PDE3B: variants seen among roughly 807,000 people sequenced by gnomAD.
PDE3B encodes the protein cGMP-inhibited 3',5'-cyclic phosphodiesterase 3B.
PDE3B carries 66 observed loss-of-function variants against 116.8 expected under a neutral mutation model. The observed-to-expected ratio is 0.56, with a 90% CI of 0.46 to 0.69. The LOEUF is 0.69. Among genes scored for constraint, PDE3B ranks in the 30% least tolerant of loss-of-function variants. The probability of loss-of-function intolerance (pLI) is 0.00; values close to 1 mark genes in which losing one functional copy is unlikely to be tolerated. For synonymous variants in PDE3B, 595 were observed against 533.6 expected (o/e 1.12, Z -1.59); for missense variants, 1,384 against 1,368.1 (o/e 1.01, Z -0.18).
At chr11:14,756,803 T>TCA (rs1491144899) in intron 1 of PDE3B, among the ~76,000 whole-genome samples, 166 of 141,544 alleles carry the variant, frequency 1.2e-3, no homozygotes, top group Admixed American at 2.3e-3. Context: ...TAAGTGCTTA[T>TCA]TTTTTTTTTT....
intron 1 of PDE3B, among the ~76,000 whole-genome samples, chr11:14,735,978 G>GTGTA (rs1246939263): frequency 6.6e-6 from 1 of 151,864 alleles, no homozygotes; most frequent in East Asian, 1.9e-4. Flanking sequence ...GTGTGTGTGT[G>GTGTA]TGTGTGTGTG....
chr11:14,797,099 A>G (rs1197733022), intron 4 of PDE3B, among the ~76,000 whole-genome samples: 1 of 152,196 alleles, frequency 6.6e-6, no homozygotes, highest in Non-Finnish European at 1.5e-5. Flanking sequence ...CAGTTTTCCC[A>G]ACACCATTTA....
chr11:14,785,794 A>T (rs1858169836), intron 2 of PDE3B, among the ~76,000 whole-genome samples: 2 of 151,968 alleles, frequency 1.3e-5, no homozygotes, highest in East Asian at 3.8e-4. Flanking sequence ...TCTTTAAGTT[A>T]TCGCTATCTC....
At chr11:14,784,343 C>T (rs1288983143) in intron 2 of PDE3B, among the ~76,000 whole-genome samples, 1 of 152,058 alleles carries the variant, frequency 6.6e-6, no homozygotes, top group African/African-American at 2.4e-5. Context: ...ATGATTGCAA[C>T]AAAAATTATA....
At chr11:14,715,960 C>T (rs1420381985) in intron 1 of PDE3B, among the ~76,000 whole-genome samples, 3 of 152,174 alleles carry the variant, frequency 2.0e-5, no homozygotes, top group African/African-American at 2.4e-5. Context: ...CAGCTCCCAG[C>T]GTGAGCGACG....
intron 1 of PDE3B, among the ~76,000 whole-genome samples, chr11:14,678,614 G>A (rs1854601703): frequency 6.6e-6 from 1 of 151,784 alleles, no homozygotes; most frequent in Admixed American, 6.6e-5. Flanking sequence ...GTTTTTTATG[G>A]GTTTATTTAC....
At chr11:14,860,981 A>G (rs1847939025) in intron 13 of PDE3B, among the ~76,000 whole-genome samples, 1 of 152,090 alleles carries the variant, frequency 6.6e-6, no homozygotes, top group Non-Finnish European at 1.5e-5. Context: ...ATTGAAACCC[A>G]TGGTTAGTTA....
chr11:14,742,163 G>C (rs572456530), intron 1 of PDE3B, among the ~76,000 whole-genome samples: 81 of 152,278 alleles, frequency 5.3e-4, no homozygotes, highest in African/African-American at 1.9e-3. Flanking sequence ...AAGTTCTCCT[G>C]GATAATATCC....
intron 1 of PDE3B, among the ~76,000 whole-genome samples, chr11:14,769,816 C>G (rs1277341403): frequency 1.4e-5 from 2 of 147,720 alleles, no homozygotes; most frequent in Non-Finnish European, 3.0e-5. Flanking sequence ...TTTTTTGCCC[C>G]AAGAACCAGC....
intron 1 of PDE3B, among the ~76,000 whole-genome samples, chr11:14,756,015 C>T (rs1857171861): frequency 6.6e-6 from 1 of 152,132 alleles, no homozygotes; most frequent in Admixed American, 6.5e-5. Context: ...TTTACTCCAA[C>T]TTAACCCATT....
intron 5 of PDE3B, among the ~76,000 whole-genome samples, chr11:14,812,603 C>G (rs1859180160): frequency 6.6e-6 from 1 of 151,984 alleles, no homozygotes; most frequent in Non-Finnish European, 1.5e-5. Flanking sequence ...GACACTGATA[C>G]AAAAAGATTA....
At chr11:14,665,489 C>T (rs1854106685) in intron 1 of PDE3B, among the ~76,000 whole-genome samples, 1 of 152,206 alleles carries the variant, frequency 6.6e-6, no homozygotes, top group Non-Finnish European at 1.5e-5. Flanking sequence ...TCCCTGTTTG[C>T]AGATGACATG....
chr11:14,896,738 G>A, the PDE3B span, among the ~76,000 whole-genome samples: 2 of 152,174 alleles, frequency 1.3e-5, no homozygotes, highest in African/African-American at 4.8e-5. Flanking sequence ...TGAGTGAAGG[G>A]AAAGGAAAGT....
At chr11:14,892,311 C>A in the PDE3B span, 1 of 1,121,714 alleles carries the variant, frequency 8.9e-7, no homozygotes, top group South Asian at 1.4e-5. Flanking sequence ...CCCGCCCTAG[C>A]TCCGTGGCCA....
Position 14,650,533 on chromosome 11 carries a change from T to G in PDE3B, c.978+5480T>G, listed in dbSNP as rs557910530. Among the ~76,000 whole-genome samples, 5 of 152,272 alleles carry G rather than the reference T, an allele frequency of 3.3e-5. No homozygotes were observed. In the South Asian group the frequency reaches 8.3e-4, roughly 25 times the overall value. ...GACTTTGGAGATGGGTTTAAGGATT[T>G]TGAGATGAAGATATTATCCAGGATT... On this transcript the variant is annotated intron_variant, in intron 1 of 15. Coordinates refer to ENST00000282096, the MANE Select transcript of PDE3B (RefSeq NM_000922.4).
chr11:14,693,748 T>C (rs1757645330), intron 1 of PDE3B, among the ~76,000 whole-genome samples: 1 of 151,586 alleles, frequency 6.6e-6, no homozygotes, highest in Non-Finnish European at 1.5e-5. Context: ...AGGAGATAAA[T>C]GTTGTTTTCA....
Position 14,780,248 on chromosome 11 carries a change from C to G in PDE3B, c.1030-6189C>G, listed in dbSNP as rs1370311121. ...TTAACACCCCACTGTCAACATTAGACAGATCAGTGAGACAGAAAGTTCACA... is the reference window on the plus strand; with the variant it reads ...TTAACACCCCACTGTCAACATTAGAGAGATCAGTGAGACAGAAAGTTCACA... On this transcript the variant is annotated intron_variant, in intron 2 of 15. Transcript: ENST00000282096. Among the ~76,000 whole-genome samples the G allele has an allele frequency of 2.6e-5, 4 of 152,156 alleles. No homozygotes were observed. The South Asian group carries it at 8.3e-4, about 32-fold the overall frequency.
In PDE3B at chr11:14,786,568, G is replaced by C. The variant is rs775728786; in HGVS notation, c.1161G>C (p.Met387Ile). ...CTCTACGGAGTATTAGTAGCTTAAT[G>C]GGTGCTTTCTCAGGTTCCTGTAGGC... ...ISSLRSISSLMGAFSGSCRPK... is the reference protein window; with the variant it reads ...ISSLRSISSLIGAFSGSCRPK... Residue 387 changes from methionine (M) to isoleucine (I), a missense_variant, in exon 3 of 16, where the codon ATG (methionine) becomes ATC (isoleucine). By Grantham distance (10) the Met-to-Ile change is conservative. Coordinates refer to ENST00000282096, the MANE Select transcript of PDE3B (RefSeq NM_000922.4). The C allele has an allele frequency of 5.6e-5, 90 of 1,613,114 alleles. No homozygotes were observed. The highest frequency in any genetic ancestry group is 7.5e-5 in the Non-Finnish European group (88 of 1,179,406).
the PDE3B span, among the ~76,000 whole-genome samples, chr11:14,888,837 G>C: frequency 1.3e-5 from 2 of 152,052 alleles, no homozygotes; most frequent in Non-Finnish European, 2.9e-5. Flanking sequence ...TGCTTTAATG[G>C]AATTATTTTA....
Sources: allele counts gnomAD v4.1 joint callset (sites outside exome capture counted in the v4.1 genomes callset), GRCh38; gene constraint gnomAD v4.1.1; transcripts MANE v1.5; gene names NCBI Gene and HGNC (gene_info 2026-07-23, HGNC 2026-07-21).